Variants in GRIK1 observed in about 807,000 individuals in gnomAD.
The protein encoded by GRIK1 is glutamate ionotropic receptor kainate type subunit 1.
In GRIK1, 69 loss-of-function variants were observed where a neutral mutation model predicts 105.7. The observed-to-expected ratio is 0.65, with a 90% CI of 0.54 to 0.80. GRIK1 has a LOEUF of 0.80. Among genes scored for constraint, GRIK1 ranks in the 30% least tolerant of loss-of-function variants. GRIK1 has a pLI of 0.00. For synonymous variants in GRIK1, 438 were observed against 431.3 expected (o/e 1.02, Z -0.19); for missense variants, 1,109 against 1,167.3 (o/e 0.95, Z 0.73).
intron 1 of GRIK1, among the ~76,000 whole-genome samples, chr21:29,922,304 C>A (rs2071219221): frequency 6.6e-6 from 1 of 151,950 alleles, no homozygotes; most frequent in Non-Finnish European, 1.5e-5. Context: ...TCAATAAAAC[C>A]ATTAACATCT....
chr21:29,826,565 C>T (rs1438450994), intron 1 of GRIK1, among the ~76,000 whole-genome samples: 2 of 152,108 alleles, frequency 1.3e-5, no homozygotes, highest in Non-Finnish European at 2.9e-5. Flanking sequence ...AGTGGGTCTT[C>T]CCTCTGTCTC....
At chr21:29,850,849 A>G (rs1197232711) in intron 1 of GRIK1, among the ~76,000 whole-genome samples, 1 of 152,214 alleles carries the variant, frequency 6.6e-6, no homozygotes, top group Non-Finnish European at 1.5e-5. Flanking sequence ...CAATGTTTGT[A>G]TAAAAGCCAG....
chr21:29,898,391 A>G (rs1022254308), intron 1 of GRIK1, among the ~76,000 whole-genome samples: 2 of 152,194 alleles, frequency 1.3e-5, no homozygotes, highest in African/African-American at 4.8e-5. Context: ...AGAAGGGATG[A>G]CAGGGCAAAA....
rs185079333 is a variant in GRIK1, at chr21:29,581,074, G to A, written c.1912+351C>T. On this transcript the variant is annotated intron_variant, in intron 13 of 17. Transcript: ENST00000327783. ...TTAATCTCCAAAGGATTTAGATCCC[G>A]CTCCTTTAAACTGCTGACTCGTGGA... Among the ~76,000 whole-genome samples, 82 of 152,228 alleles carry A rather than the reference G, an allele frequency of 5.4e-4. No individual in the cohort carries two copies. The East Asian group carries it at 0.012, about 21-fold the overall frequency.
At chr21:29,775,390 G>A (rs968465185) in intron 1 of GRIK1, among the ~76,000 whole-genome samples, 2 of 151,208 alleles carry the variant, frequency 1.3e-5, no homozygotes, top group Admixed American at 6.6e-5. Context: ...TTATAGACTT[G>A]TAGTACTAGA....
At chr21:29,610,563 AGGAATCCCT>A (rs1038150390) in intron 7 of GRIK1, among the ~76,000 whole-genome samples, 5 of 152,216 alleles carry the variant, frequency 3.3e-5, no homozygotes, top group Admixed American at 2.6e-4. Context: ...CAAGGATTAC[AGGAATCCCT>A]GGACCTTGTG....
At chr21:29,893,650 G>A (rs2069992774) in intron 1 of GRIK1, among the ~76,000 whole-genome samples, 1 of 152,226 alleles carries the variant, frequency 6.6e-6, no homozygotes, top group Non-Finnish European at 1.5e-5. Context: ...TACTCTCATT[G>A]CTTTTGGTTA....
chr21:29,541,936 T>C (rs1030241776), intron 16 of GRIK1, among the ~76,000 whole-genome samples: 1 of 152,174 alleles, frequency 6.6e-6, no homozygotes, highest in Non-Finnish European at 1.5e-5. Flanking sequence ...TTTATAATAA[T>C]GTCTGATAGA....
intron 3 of GRIK1, among the ~76,000 whole-genome samples, chr21:29,683,236 C>T (rs900748489): frequency 2.0e-5 from 3 of 152,166 alleles, no homozygotes; most frequent in African/African-American, 7.2e-5. Context: ...TCTCAAAGAA[C>T]CTAAAACAGG....
chr21:29,918,799 A>T (rs974388341), intron 1 of GRIK1, among the ~76,000 whole-genome samples: 2 of 152,058 alleles, frequency 1.3e-5, no homozygotes, highest in African/African-American at 4.8e-5. Context: ...TAAGTTGCAC[A>T]CTTATGTTAT....
intron 1 of GRIK1, among the ~76,000 whole-genome samples, chr21:29,779,514 T>TGG (rs1267914770): frequency 1.3e-5 from 2 of 152,048 alleles, no homozygotes; most frequent in African/African-American, 4.8e-5. Context: ...TGTGTGTGTG[T>TGG]GTGTGATCCC....
At chr21:29,859,523 G>A (rs1025224435) in intron 1 of GRIK1, among the ~76,000 whole-genome samples, 1 of 152,162 alleles carries the variant, frequency 6.6e-6, no homozygotes, top group Non-Finnish European at 1.5e-5. Flanking sequence ...CAACAGCTAA[G>A]AAATTTCCAA....
intron 7 of GRIK1, among the ~76,000 whole-genome samples, chr21:29,603,008 C>T (rs1219364312): frequency 6.6e-6 from 1 of 152,080 alleles, no homozygotes; most frequent in African/African-American, 2.4e-5. Flanking sequence ...AATATGAACA[C>T]AGGGATAGCA....
intron 16 of GRIK1, among the ~76,000 whole-genome samples, chr21:29,538,629 T>C (rs566520883): frequency 6.6e-6 from 1 of 152,094 alleles, no homozygotes; most frequent in Non-Finnish European, 1.5e-5. Flanking sequence ...GTTATAGAAG[T>C]GCAAGCATAC....
intron 1 of GRIK1, among the ~76,000 whole-genome samples, chr21:29,890,021 C>T (rs902789368): frequency 2.6e-5 from 4 of 152,024 alleles, no homozygotes; most frequent in African/African-American, 9.7e-5. Context: ...GTAATTGTAT[C>T]TACCCTAAAT....
chr21:29,858,071 T>A (rs2146078932), intron 1 of GRIK1, among the ~76,000 whole-genome samples: 1 of 152,230 alleles, frequency 6.6e-6, no homozygotes, highest in South Asian at 2.1e-4. Context: ...TGGCTAAATC[T>A]TGTGTTTTTA....
At chr21:29,647,607 A>T (rs1244541108) in intron 6 of GRIK1, among the ~76,000 whole-genome samples, 1 of 151,976 alleles carries the variant, frequency 6.6e-6, no homozygotes, top group Non-Finnish European at 1.5e-5. Context: ...TGTTCCCCTG[A>T]CTCCTGTGCA....
In GRIK1 at chr21:29,654,868, A is replaced by G; in HGVS notation, c.727-5T>C. On this transcript the variant is annotated splice_region_variant and splice_polypyrimidine_tract_variant and intron_variant, in intron 4 of 17. Coordinates refer to ENST00000327783, the MANE Select transcript of GRIK1 (RefSeq NM_001330994.2). The stretch of plus-strand genomic sequence containing the variant: ...CATCATGCCCATGAACAGAATCTGC[A>G]AAAGAGAAATAAGGGGAAAGAATCA... 2 of 1,553,106 alleles carry G rather than the reference A, an allele frequency of 1.3e-6. No individual in the cohort carries two copies. Among genetic ancestry groups the G allele is most frequent in the Non-Finnish European group, 1.8e-6 (2 of 1,124,390 alleles).
At chr21:29,929,016 A>C (rs2146351068) in intron 1 of GRIK1, among the ~76,000 whole-genome samples, 1 of 152,348 alleles carries the variant, frequency 6.6e-6, no homozygotes, top group Admixed American at 6.5e-5. Context: ...CACACACTGG[A>C]TGCTGTGGCT....
Sources: allele counts gnomAD v4.1 joint callset (sites outside exome capture counted in the v4.1 genomes callset), GRCh38; gene constraint gnomAD v4.1.1; transcripts MANE v1.5; gene names NCBI Gene and HGNC (gene_info 2026-07-23, HGNC 2026-07-21).